The following SERINC5 variants were observed in gnomAD, a reference collection of about 807,000 sequenced individuals.
The protein encoded by SERINC5 is serine incorporator 5.
A neutral mutation model predicts 63.1 loss-of-function variants in SERINC5; 41 were observed. The ratio of observed to expected loss-of-function variants is 0.65; its 90% CI spans 0.51 to 0.84. The LOEUF is 0.84. Among genes scored for constraint, SERINC5 ranks in the 40% least tolerant of loss-of-function variants. SERINC5 has a pLI of 0.00. For synonymous variants in SERINC5, 222 were observed against 215.2 expected (o/e 1.03, Z -0.28); for missense variants, 523 against 573.0 (o/e 0.91, Z 0.89).
intron 8 of SERINC5, chr5:80,158,612 G>C: frequency 2.0e-6 from 1 of 494,780 alleles, no homozygotes; most frequent in Non-Finnish European, 3.6e-6. Context: ...GGTAAACGAA[G>C]TTCAAATATT....
At chr5:80,165,291 A>G (rs1340941684) in intron 7 of SERINC5, among the ~76,000 whole-genome samples, 2 of 152,200 alleles carry the variant, frequency 1.3e-5, no homozygotes, top group Non-Finnish European at 2.9e-5. Context: ...GGACAAACCC[A>G]TAAATACTAT....
intron 5 of SERINC5, among the ~76,000 whole-genome samples, chr5:80,173,745 A>C (rs1747834791): frequency 6.6e-6 from 1 of 150,560 alleles, no homozygotes; most frequent in Admixed American, 6.6e-5. Context: ...GTTCCAGACT[A>C]CTCCTCCCTC....
At chr5:80,183,557 A>C (rs1223106842) in intron 2 of SERINC5, among the ~76,000 whole-genome samples, 1 of 152,138 alleles carries the variant, frequency 6.6e-6, no homozygotes, top group Non-Finnish European at 1.5e-5. Flanking sequence ...GAAGAATCAC[A>C]AAAGAAGTGA....
chr5:80,164,188 T>C (rs1230336384), intron 7 of SERINC5, among the ~76,000 whole-genome samples: 2 of 152,152 alleles, frequency 1.3e-5, no homozygotes, highest in Non-Finnish European at 2.9e-5. Context: ...GTGGTTATTA[T>C]TGTGATTTTT....
At chr5:80,234,979 G>A (rs776544390) in intron 1 of SERINC5, among the ~76,000 whole-genome samples, 23 of 152,056 alleles carry the variant, frequency 1.5e-4, no homozygotes, top group Non-Finnish European at 3.1e-4. Flanking sequence ...ACTTTTAAGT[G>A]TACAGTTCAG....
At chr5:80,226,161 G>A (rs1337780350) in intron 1 of SERINC5, among the ~76,000 whole-genome samples, 2 of 152,092 alleles carry the variant, frequency 1.3e-5, no homozygotes, top group Non-Finnish European at 2.9e-5. Context: ...CACTTCAAGC[G>A]ATTCTCGTGC....
intron 7 of SERINC5, among the ~76,000 whole-genome samples, chr5:80,159,305 A>T (rs578244038): frequency 5.9e-5 from 9 of 152,334 alleles, no homozygotes; most frequent in Non-Finnish European, 1.0e-4. Flanking sequence ...GGTAGGGTGC[A>T]GATACCAAGC....
downstream of SERINC5, among the ~76,000 whole-genome samples, chr5:80,135,518 T>G (rs143486692): frequency 5.8e-3 from 882 of 152,296 alleles, 7 homozygotes; most frequent in African/African-American, 0.02. Flanking sequence ...AGGAAAAAGA[T>G]AACTACAATA....
intron 11 of SERINC5, among the ~76,000 whole-genome samples, chr5:80,132,307 C>T (rs1471327627): frequency 6.6e-6 from 1 of 152,170 alleles, no homozygotes; most frequent in African/African-American, 2.4e-5. Flanking sequence ...TAGACCCCCT[C>T]CTGCTTCTGT....
At chr5:80,170,153 A>G (rs569194538) in intron 5 of SERINC5, among the ~76,000 whole-genome samples, 86 of 152,208 alleles carry the variant, frequency 5.7e-4, no homozygotes, top group Non-Finnish European at 9.4e-4. Context: ...TCTCAGGGTA[A>G]GCAGAGAAAT....
intron 2 of SERINC5, chr5:80,198,509 C>T (rs533649233): frequency 4.5e-5 from 44 of 985,248 alleles, no homozygotes; most frequent in Middle Eastern, 5.2e-4. Context: ...CAAAGACCCA[C>T]GCGACTCTGG....
rs184012222 is a variant in SERINC5, at chr5:80,207,477, T to C, written c.28-4424A>G. Among the ~76,000 whole-genome samples the C allele has an allele frequency of 1.2e-4, 19 of 152,312 alleles. No homozygotes were observed. The East Asian group carries it at 2.9e-3, about 23-fold the overall frequency. ...AAATAAACAGATACAAACATCACTG[T>C]GAGCCTAATTGGAACTGATCATCTA... On this transcript the variant is annotated intron_variant, in intron 1 of 11. Transcript: ENST00000507668.
intron 1 of SERINC5, among the ~76,000 whole-genome samples, chr5:80,208,081 G>A (rs1323660105): frequency 6.6e-6 from 1 of 152,172 alleles, no homozygotes; most frequent in African/African-American, 2.4e-5. Context: ...GGAGAGAAGT[G>A]CCAGGGTTTC....
chr5:80,255,507 CT>C (rs753427037), intron 1 of SERINC5, among the ~76,000 whole-genome samples: 82 of 152,170 alleles, frequency 5.4e-4, no homozygotes, highest in Non-Finnish European at 9.3e-4. Context: ...CCTAAACCCA[CT>C]TTTCTTCCTG....
rs1010215261 is a variant in SERINC5 at position 80,233,677 on chromosome 5, T to C, written c.27+22219A>G. On this transcript the variant is annotated intron_variant, in intron 1 of 11. Coordinates refer to ENST00000507668, the MANE Select transcript of SERINC5 (RefSeq NM_001174072.3). Reference sequence around the variant, plus strand: ...TAGGAAGTATCCTATAAATAAAAAGTATCCCCAAAAGCAAATTCCTAGGAC... The same window carrying C: ...TAGGAAGTATCCTATAAATAAAAAGCATCCCCAAAAGCAAATTCCTAGGAC... 2.6e-5 allele frequency among the ~76,000 whole-genome samples: 4 copies of C among 151,898 alleles called. No homozygotes were observed. In the East Asian group the frequency reaches 5.8e-4, roughly 22 times the overall value.
intron 6 of SERINC5, chr5:80,166,909 T>C (rs1433942167): frequency 7.2e-5 from 13 of 179,924 alleles, no homozygotes; most frequent in Non-Finnish European, 3.6e-5. Context: ...TTCTGGATTC[T>C]ACAAGGTCAT....
At chr5:80,210,536 T>TG (rs1315686963) in intron 1 of SERINC5, among the ~76,000 whole-genome samples, 1 of 152,174 alleles carries the variant, frequency 6.6e-6, no homozygotes, top group Non-Finnish European at 1.5e-5. Flanking sequence ...AAGTACTACT[T>TG]CTGTTAAATT....
At chr5:80,220,630 T>G (rs533752077) in intron 1 of SERINC5, among the ~76,000 whole-genome samples, 4 of 152,048 alleles carry the variant, frequency 2.6e-5, no homozygotes, top group Admixed American at 2.6e-4. Context: ...GAGCCCCAAG[T>G]GGAGAGCTAG....
intron 7 of SERINC5, among the ~76,000 whole-genome samples, chr5:80,161,292 C>T (rs555060272): frequency 1.6e-4 from 25 of 152,188 alleles, no homozygotes; most frequent in African/African-American, 5.8e-4. Context: ...CCCATAGAAG[C>T]TATGCTAATT....
Sources: allele counts gnomAD v4.1 joint callset (sites outside exome capture counted in the v4.1 genomes callset), GRCh38; gene constraint gnomAD v4.1.1; transcripts MANE v1.5; gene names NCBI Gene and HGNC (gene_info 2026-07-23, HGNC 2026-07-21).